Variants in SENP1 observed in about 807,000 individuals in gnomAD.
The protein encoded by SENP1 is sentrin-specific protease 1.
Under a neutral mutation model 93.0 loss-of-function variants are expected in SENP1, and 21 were observed. The ratio of observed to expected loss-of-function variants is 0.23; its 90% CI spans 0.16 to 0.33. The LOEUF is 0.33. Among genes scored for constraint, SENP1 ranks in the 10% least tolerant of loss-of-function variants. SENP1 has a pLI of 1.00. For missense variants in SENP1, 591 were observed against 758.7 expected (o/e 0.78, Z 2.60); for synonymous variants, 256 against 259.6 (o/e 0.99, Z 0.13).
intron 2 of SENP1, 82 bp from the exon 3 acceptor site, chr12:48,098,206 AAAACAATTCCCACCCAGGCAT>A (rs1945691754): frequency 1.4e-6 from 2 of 1,386,648 alleles, no homozygotes; most frequent in Admixed American, 2.1e-5. Flanking sequence ...TCACCTAATA[AAAACAATTCCCACCCAGGCAT>A]GGTGTCTCAT....
intron 5 of SENP1, among the ~76,000 whole-genome samples, chr12:48,086,894 C>G (rs1046535133): frequency 6.6e-6 from 1 of 152,064 alleles, no homozygotes; most frequent in South Asian, 2.1e-4. Flanking sequence ...CAAAAATTAG[C>G]AGGACATGGT....
At chr12:48,061,542 G>C (rs1461788598) in intron 13 of SENP1, among the ~76,000 whole-genome samples, 2 of 152,090 alleles carry the variant, frequency 1.3e-5, no homozygotes, top group Admixed American at 6.6e-5. Flanking sequence ...TGAACAGCTG[G>C]GACTACAGGC....
In SENP1 at chr12:48,043,619, GA is replaced by G. The variant is rs1248602315; in HGVS notation, c.*1702del. On this transcript the variant is annotated 3_prime_UTR_variant, in exon 18 of 18. Transcript: ENST00000549518. Reference sequence around the variant, plus strand: ...AAACTCAAAAACAAAGAAAAAGAAAGAAAAATAAAGAGAGATAGAAAGAGAA... The same window carrying G: ...AAACTCAAAAACAAAGAAAAAGAAAGAAAATAAAGAGAGATAGAAAGAGAA... The G allele has an allele frequency of 6.6e-6, 1 of 151,708 alleles. No individual in the cohort carries two copies. The highest frequency in any genetic ancestry group is 2.4e-5 in the African/African-American group (1 of 41,100). 9.4% of individuals were successfully genotyped at this position (151,708 alleles called of 1,614,324 possible). A position where few individuals can be genotyped will look rare whatever the true frequency, so the allele number is the denominator to read the frequency against.
At chr12:48,078,428 T>C (rs1002386664) in intron 6 of SENP1, among the ~76,000 whole-genome samples, 2 of 150,386 alleles carry the variant, frequency 1.3e-5, no homozygotes, top group Non-Finnish European at 3.0e-5. Context: ...CACATACACA[T>C]ACACTGTATT....
rs556452195 is a variant in SENP1, at chr12:48,086,988, G to A, written c.380+1813C>T. 4.0e-3 allele frequency among the ~76,000 whole-genome samples: 607 copies of A among 151,710 alleles called. 4 individuals are homozygous for A. Among genetic ancestry groups the A allele is most frequent in the Non-Finnish European group, 4.8e-3 (325 of 67,882 alleles). Reference sequence around the variant, plus strand: ...TGGGAGGCGGAGGTTGCAGTGAGCCGAGATCACACCACTGCATTCCAGCCT... The same window carrying A: ...TGGGAGGCGGAGGTTGCAGTGAGCCAAGATCACACCACTGCATTCCAGCCT... On this transcript the variant is annotated intron_variant, in intron 5 of 17. Coordinates refer to ENST00000549518, the MANE Select transcript of SENP1 (RefSeq NM_001267594.2).
chr12:48,072,817 T>C (rs1480173095), intron 8 of SENP1, among the ~76,000 whole-genome samples: 2 of 152,172 alleles, frequency 1.3e-5, no homozygotes. Flanking sequence ...AAAAACATGA[T>C]GTATATAGGG....
intron 8 of SENP1, among the ~76,000 whole-genome samples, chr12:48,074,032 T>C (rs1374680130): frequency 2.0e-5 from 3 of 152,214 alleles, no homozygotes; most frequent in African/African-American, 4.8e-5. Context: ...TCCAAAATGG[T>C]TGGGACCAGG....
chr12:48,087,240 T>C (rs1944941305), intron 5 of SENP1, among the ~76,000 whole-genome samples: 4 of 152,188 alleles, frequency 2.6e-5, no homozygotes, highest in Non-Finnish European at 5.9e-5. Context: ...TAAACTCATT[T>C]TGGAAAAAAA....
rs148400892 is a variant in SENP1 at position 48,082,822 on chromosome 12, T to C, written c.552+769A>G. ...GTCTTACTCATAATGAAAGGATGTA[T>C]ATTGTTTAACTAGCTTTTTGATTTT... On this transcript the variant is annotated intron_variant, in intron 6 of 17. Transcript: ENST00000549518. Among the ~76,000 whole-genome samples the C allele has an allele frequency of 1.8e-4, 27 of 152,352 alleles. No individual in the cohort carries two copies. In the East Asian group the frequency reaches 5.2e-3, roughly 29 times the overall value.
chr12:48,079,356 C>T (rs1292152856), intron 6 of SENP1, among the ~76,000 whole-genome samples: 3 of 151,590 alleles, frequency 2.0e-5, no homozygotes, highest in Non-Finnish European at 4.4e-5. Context: ...AAAATTAGCC[C>T]GGCACGGTGC....
rs1239434304 is a variant in SENP1 at position 48,045,063 on chromosome 12, A to T, written c.*259T>A. 2.2e-6 allele frequency: 1 copy of T among 453,584 alleles called. No homozygotes were observed. The highest frequency in any genetic ancestry group is 1.9e-5 in the African/African-American group (1 of 52,036). The allele number at this position is 453,584 out of a possible 1,614,324, so 28.1% of individuals were successfully genotyped here. On this transcript the variant is annotated 3_prime_UTR_variant, in exon 18 of 18. Coordinates refer to ENST00000549518, the MANE Select transcript of SENP1 (RefSeq NM_001267594.2). ...TGAAAACAAGATGGCAGAACTGAAG[A>T]AGTGAAAAGCAGTCTCTCTCTTCAG...
intron 15 of SENP1, 87 bp from the exon 16 acceptor site, chr12:48,047,149 A>G (rs1374692572): frequency 2.5e-6 from 2 of 798,336 alleles, no homozygotes; most frequent in Non-Finnish European, 4.2e-6. Flanking sequence ...AATACCTAGG[A>G]ACAAATTTGT....
chr12:48,075,933 A>G (rs1238062427), intron 6 of SENP1, among the ~76,000 whole-genome samples: 1 of 152,252 alleles, frequency 6.6e-6, no homozygotes, highest in Admixed American at 6.5e-5. Flanking sequence ...TATTCCAAAT[A>G]GAGGAACAAC....
intron 17 of SENP1, 113 bp from the exon 18 acceptor site, chr12:48,045,497 T>A: frequency 1.3e-6 from 1 of 782,128 alleles, no homozygotes; most frequent in Non-Finnish European, 2.1e-6. Context: ...TCAGTTGTAT[T>A]TCTGGTCTTT....
intron 13 of SENP1, among the ~76,000 whole-genome samples, chr12:48,050,323 G>A (rs1472379557): frequency 6.6e-6 from 1 of 152,252 alleles, no homozygotes. Flanking sequence ...GACATACTGG[G>A]TAGGCAGCAG....
rs913890172 is a variant in SENP1, at chr12:48,066,803, C to T, written c.1034+124G>A. ...CTGGAATTACAGGCGTGAGCCACCG[C>T]GCCCAGCCTAAACAGGTACTTCTTA... On this transcript the variant is annotated intron_variant, in intron 10 of 17. Coordinates refer to ENST00000549518, the MANE Select transcript of SENP1 (RefSeq NM_001267594.2). The T allele has an allele frequency of 1.1e-4, 85 of 760,652 alleles. 1 individual carries two copies. The highest frequency in any genetic ancestry group is 8.3e-4 in the South Asian group (53 of 64,054). The allele number at this position is 760,652 out of a possible 1,614,324, so 47.1% of individuals were successfully genotyped here.
chr12:48,049,532 G>A (rs1314169278), intron 13 of SENP1, among the ~76,000 whole-genome samples: 1 of 152,152 alleles, frequency 6.6e-6, no homozygotes, highest in African/African-American at 2.4e-5. Flanking sequence ...AACTGTGTGA[G>A]CAATTTAAGT....
intron 1 of SENP1, chr12:48,105,386 G>A (rs2137432110): frequency 1.9e-6 from 1 of 518,996 alleles, no homozygotes; most frequent in East Asian, 5.4e-5. Context: ...AGAAAGAGAC[G>A]GTTCAAGGGA....
chr12:48,065,699 C>A lies in SENP1; in HGVS notation c.1035-19G>T, dbSNP rs375658739. The A allele has an allele frequency of 6.7e-7, 1 of 1,502,024 alleles. No homozygotes were observed. Among genetic ancestry groups the A allele is most frequent in the Non-Finnish European group, 9.1e-7 (1 of 1,102,196 alleles). 93.0% of individuals were successfully genotyped at this position (1,502,024 alleles called of 1,614,324 possible). On this transcript the variant is annotated intron_variant, in intron 10 of 17. Coordinates refer to ENST00000549518, the MANE Select transcript of SENP1 (RefSeq NM_001267594.2). ...ACTAGTTCTAGAAAATGAAAAGGAA[C>A]GTGACCAAATGTAGACCACTCTCAT...
Sources: gnomAD v4.1 joint callset for allele counts (sites outside exome capture counted in the v4.1 genomes callset) on GRCh38, gnomAD v4.1.1 for gene constraint, MANE v1.5 for transcripts, NCBI Gene and HGNC (gene_info 2026-07-23, HGNC 2026-07-21) for gene names.